NENF: variants seen among roughly 807,000 people sequenced by gnomAD.
The protein encoded by NENF is neudesin.
A neutral mutation model predicts 14.8 loss-of-function variants in NENF; 6 were observed. The ratio of observed to expected loss-of-function variants is 0.40; its 90% CI spans 0.22 to 0.80. The LOEUF is 0.80. Among genes scored for constraint, NENF ranks in the 30% least tolerant of loss-of-function variants. The pLI is 0.34. For missense variants in NENF, 184 were observed against 212.7 expected (o/e 0.87, Z 0.84); for synonymous variants, 76 against 95.1 (o/e 0.80, Z 1.17).
At chr1:212,441,533 C>G (rs76688023) in intron 1 of NENF, among the ~76,000 whole-genome samples, 5,522 of 151,988 alleles carry the variant, frequency 0.036, 194 homozygotes, top group East Asian at 0.13. Context: ...GTCGGTAATC[C>G]CAGCACTTTG....
chr1:212,444,297 T>C (rs941805646), intron 2 of NENF, 42 bp from the exon 3 acceptor site: 2 of 1,424,492 alleles, frequency 1.4e-6, no homozygotes, highest in Non-Finnish European at 1.9e-6. Context: ...TTACTCTGCA[T>C]GTAAACCCAC....
chr1:212,442,587 C>A lies in NENF; in HGVS notation c.200C>A (p.Ala67Glu). ...GEEEDQPIYLAVKGVVFDVTS... is the reference protein window; with the variant it reads ...GEEEDQPIYLEVKGVVFDVTS... Reference sequence around the variant, plus strand: ...TAGGAAGATCAGCCCATCTACTTGGCAGTGAAGGGAGTGGTGTTTGATGTC... The same window carrying A: ...TAGGAAGATCAGCCCATCTACTTGGAAGTGAAGGGAGTGGTGTTTGATGTC... Residue 67 changes from alanine (A) to glutamate (E), a missense_variant, in exon 2 of 4, where the codon GCA becomes GAA. Ala to Glu is a moderately radical substitution (Grantham distance 107, BLOSUM62 -1). Transcript: ENST00000366988. 2 of 1,613,388 alleles carry A rather than the reference C, an allele frequency of 1.2e-6. No homozygotes were observed. The highest frequency in any genetic ancestry group is 1.7e-6 in the Non-Finnish European group (2 of 1,179,414).
chr1:212,442,695 G>A (rs377685630), intron 2 of NENF, 70 bp downstream of exon 2: 54 of 1,133,658 alleles, frequency 4.8e-5, no homozygotes, highest in South Asian at 2.7e-4. Flanking sequence ...GCACTTGGAG[G>A]TGTGAGGAAA....
In NENF at chr1:212,433,058, G is replaced by A. The variant is rs1249953628; in HGVS notation, c.115G>A (p.Glu39Lys). The change falls in exon 1 of 4, where the codon GAG becomes AAG. Residue 39 changes from glutamate to lysine, a missense_variant. Transcript: ENST00000366988. The surrounding 1 kb of genome is among the most constrained non-coding windows in gnomAD (Gnocchi z 5.5). Reference protein sequence around the residue: ...ARAGQTPRPAERGPPVRLFTE... With the variant: ...ARAGQTPRPAKRGPPVRLFTE... ...GGCCGGGCAGACACCGCGCCCTGCC[G>A]AGCGGGGGCCCCCAGTGCGGCTTTT... 3 of 1,192,472 alleles carry A rather than the reference G, an allele frequency of 2.5e-6. No individual in the cohort carries two copies. Among genetic ancestry groups the A allele is most frequent in the African/African-American group, 1.6e-5 (1 of 62,740 alleles). 73.9% of individuals were successfully genotyped at this position (1,192,472 alleles called of 1,614,324 possible). A position where few individuals can be genotyped will look rare whatever the true frequency, so the allele number is the denominator to read the frequency against.
chr1:212,444,011 C>T (rs1662736689), intron 2 of NENF, among the ~76,000 whole-genome samples: 1 of 151,954 alleles, frequency 6.6e-6, no homozygotes, highest in South Asian at 2.1e-4. Context: ...AAGATTGTGC[C>T]ACTGCACTCC....
intron 2 of NENF, 113 bp downstream of exon 2, chr1:212,442,738 CATTTT>C (rs71573840): frequency 2.1e-5 from 15 of 701,252 alleles, no homozygotes; most frequent in Non-Finnish European, 2.6e-5. Context: ...CTTTTCATTC[CATTTT>C]ATTTTATTTT....
chr1:212,444,525 G>A, intron 3 of NENF, 83 bp downstream of exon 3: 1 of 246,778 alleles, frequency 4.1e-6, no homozygotes, highest in Middle Eastern at 9.2e-4. Flanking sequence ...TTTCGTGTGT[G>A]TGTGTGTGTG....
Position 212,444,299 on chromosome 1 carries a change from T to G in NENF, c.239-40T>G, listed in dbSNP as rs370403962. The G allele has an allele frequency of 3.1e-5, 44 of 1,439,290 alleles. No homozygotes were observed. The African/African-American group carries it at 6.0e-4, about 20-fold the overall frequency. 89.2% of individuals were successfully genotyped at this position (1,439,290 alleles called of 1,614,324 possible). A position where few individuals can be genotyped will look rare whatever the true frequency, so the allele number is the denominator to read the frequency against. On this transcript the variant is annotated intron_variant, in intron 2 of 3. Coordinates refer to ENST00000366988, the MANE Select transcript of NENF (RefSeq NM_013349.5). ...TGCAAGCTCCTGGTTACTCTGCATG[T>G]AAACCCACGCTTACGTCTCTTCCTT...
In NENF at chr1:212,433,717, A is replaced by AC. The variant is rs371521199; in HGVS notation, c.177+604dup. ...GGACTGGAGGTTAGAGACCCCCACAACCCCCCCGCCACACGTCAATAGAGA... is the reference window on the plus strand; with the variant it reads ...GGACTGGAGGTTAGAGACCCCCACAACCCCCCCCGCCACACGTCAATAGAGA... On this transcript the variant is annotated intron_variant, in intron 1 of 3. Coordinates refer to ENST00000366988, the MANE Select transcript of NENF (RefSeq NM_013349.5). The surrounding 1 kb of genome is among the most constrained non-coding windows in gnomAD (Gnocchi z 5.5). Among the ~76,000 whole-genome samples, 206 of 145,242 alleles carry AC rather than the reference A, an allele frequency of 1.4e-3. 2 individuals carry two copies. Among genetic ancestry groups the AC allele is most frequent in the African/African-American group, 3.8e-3 (152 of 39,546 alleles).
chr1:212,443,891 A>AG (rs1662734799), intron 2 of NENF, among the ~76,000 whole-genome samples: 1 of 151,872 alleles, frequency 6.6e-6, no homozygotes, highest in East Asian at 1.9e-4. Flanking sequence ...AAAAAAAAAA[A>AG]TACAAAAATT....
At chr1:212,442,739 A>ATTTTC in intron 2 of NENF, 114 bp downstream of exon 2, 1 of 628,426 alleles carries the variant, frequency 1.6e-6, no homozygotes, top group Non-Finnish European at 2.8e-6. Flanking sequence ...TTTTCATTCC[A>ATTTTC]TTTTATTTTA....
At chr1:212,440,286 C>T (rs1380033618) in intron 1 of NENF, among the ~76,000 whole-genome samples, 2 of 145,676 alleles carry the variant, frequency 1.4e-5, no homozygotes, top group Non-Finnish European at 3.0e-5. Flanking sequence ...AAAGAAGTAT[C>T]AAGGAGAAAG....
chr1:212,434,763 A>G (rs1253277723), intron 1 of NENF: 1 of 152,268 alleles, frequency 6.6e-6, no homozygotes, highest in African/African-American at 2.4e-5. Flanking sequence ...CTAAGGAAAG[A>G]GAGAGTTCAC....
chr1:212,440,872 T>C (rs1477595931), intron 1 of NENF, among the ~76,000 whole-genome samples: 1 of 152,164 alleles, frequency 6.6e-6, no homozygotes, highest in Non-Finnish European at 1.5e-5. Context: ...AGCAGGTGCT[T>C]GCAGAGCCTG....
intron 3 of NENF, among the ~76,000 whole-genome samples, chr1:212,444,725 T>C (rs143438558): frequency 6.6e-6 from 1 of 152,248 alleles, no homozygotes; most frequent in East Asian, 1.9e-4. Flanking sequence ...GTCCAAACTC[T>C]TATGAACTTG....
At chr1:212,435,342 A>T (rs1321585727) in intron 1 of NENF, among the ~76,000 whole-genome samples, 1 of 152,098 alleles carries the variant, frequency 6.6e-6, no homozygotes, top group Non-Finnish European at 1.5e-5. Flanking sequence ...GTCTGCATAT[A>T]ACTTTTTTTT....
At chr1:212,438,088 T>G (rs1042330821) in intron 1 of NENF, among the ~76,000 whole-genome samples, 1 of 152,178 alleles carries the variant, frequency 6.6e-6, no homozygotes, top group Non-Finnish European at 1.5e-5. Context: ...GAAGAGGTGA[T>G]TTTGAGGACC....
intron 2 of NENF, among the ~76,000 whole-genome samples, chr1:212,443,145 T>C (rs980222301): frequency 6.6e-6 from 1 of 152,216 alleles, no homozygotes; most frequent in African/African-American, 2.4e-5. Flanking sequence ...CAAAAGCCTT[T>C]CATGACTTTC....
At chr1:212,443,796 C>T (rs148064844) in intron 2 of NENF, among the ~76,000 whole-genome samples, 30 of 151,942 alleles carry the variant, frequency 2.0e-4, no homozygotes, top group African/African-American at 6.0e-4. Flanking sequence ...GTAATCCCAG[C>T]GCTTTAGGAG....
Sources: gnomAD v4.1 joint callset for allele counts (sites outside exome capture counted in the v4.1 genomes callset) on GRCh38, gnomAD v4.1.1 for gene constraint, Gnocchi (gnomAD v3.1) non-coding constraint, MANE v1.5 for transcripts, NCBI Gene and HGNC (gene_info 2026-07-23, HGNC 2026-07-21) for gene names.